WNK1: variants seen among roughly 807,000 people sequenced by gnomAD.
WNK1 encodes WNK lysine deficient protein kinase 1.
In WNK1, 38 loss-of-function variants were observed where a neutral mutation model predicts 222.8. The ratio of observed to expected loss-of-function variants is 0.17; its 90% CI spans 0.13 to 0.22. The LOEUF (loss-of-function observed/expected upper bound fraction) is 0.22, where lower values mean the gene tolerates loss of function less well. WNK1 is among the 10% of genes least tolerant of loss of function. WNK1 has a pLI of 1.00. For synonymous variants in WNK1, 1,090 were observed against 1,092.9 expected (o/e 1.00, Z 0.05); for missense variants, 2,348 against 2,918.4 (o/e 0.80, Z 4.50).
chr12:889,194 G>C lies in WNK1; in HGVS notation c.5419G>C (p.Glu1807Gln). Residue 1807 changes from glutamate (E) to glutamine (Q), a missense_variant, in exon 21 of 28, where the codon GAG becomes CAG. Glu to Gln is a conservative substitution (Grantham distance 29). Around this residue, in one of 13 missense-constraint regions of WNK1, gnomAD observed 1,144 missense variants for 1,273.6 expected, o/e 0.90. Coordinates refer to ENST00000315939, the MANE Select transcript of WNK1 (RefSeq NM_018979.4). ...TCAATTGAGAAGAACACTTAGTCCA[G>C]AGATGATCACAGTGACTTCTGCGGT... ...DAQLRRTLSP[E>Q]MITVTSAVGP... The C allele has an allele frequency of 6.2e-7, 1 of 1,614,112 alleles. No individual in the cohort carries two copies. Among genetic ancestry groups the C allele is most frequent in the Non-Finnish European group, 8.5e-7 (1 of 1,179,984 alleles).
At chr12:863,515 TG>T (rs1483243528) in intron 8 of WNK1, among the ~76,000 whole-genome samples, 6 of 152,274 alleles carry the variant, frequency 3.9e-5, no homozygotes, top group African/African-American at 9.6e-5. Flanking sequence ...TACCTTTAAT[TG>T]TTTTTTTTCT....
At chr12:800,424 TTAA>T (rs1390865649) in intron 1 of WNK1, among the ~76,000 whole-genome samples, 3 of 152,144 alleles carry the variant, frequency 2.0e-5, no homozygotes, top group African/African-American at 7.2e-5. Context: ...TATATGGGTG[TTAA>T]TAATTTTTAT....
Position 880,910 on chromosome 12 carries a change from G to A in WNK1, c.3022G>A (p.Gly1008Ser). The A allele has an allele frequency of 6.2e-7, 1 of 1,614,120 alleles. No individual in the cohort carries two copies. The highest frequency in any genetic ancestry group is 8.5e-7 in the Non-Finnish European group (1 of 1,180,036). Residue 1008 changes from glycine to serine, a missense_variant, in exon 12 of 28, where the codon GGT becomes AGT. Gly to Ser is a moderately conservative substitution (Grantham distance 56). Around this residue, in one of 13 missense-constraint regions of WNK1, gnomAD observed 547 missense variants for 558.3 expected, o/e 0.98. Transcript: ENST00000315939. ...GGAATCAAATCTTTTAGTTCCTATG[G>A]GTGGTGTAGGAGGACAGGTTCAAGT... The part of the protein sequence containing the change: ...YVESNLLVPM[G>S]GVGGQVQVSQ...
intron 4 of WNK1, among the ~76,000 whole-genome samples, chr12:848,496 CTTTTT>C (rs10644583): frequency 4.0e-5 from 4 of 99,260 alleles, no homozygotes; most frequent in South Asian, 7.6e-4. Flanking sequence ...CCAGTAAAAA[CTTTTT>C]TTTTTTTTTT....
chr12:799,621 A>C (rs1328596180), intron 1 of WNK1, among the ~76,000 whole-genome samples: 2 of 152,190 alleles, frequency 1.3e-5, no homozygotes, highest in African/African-American at 4.8e-5. Flanking sequence ...ACAGGAGGAT[A>C]GCTTGAGACC....
intron 1 of WNK1, among the ~76,000 whole-genome samples, chr12:768,127 T>C (rs1942006004): frequency 6.6e-6 from 1 of 151,930 alleles, no homozygotes; most frequent in African/African-American, 2.4e-5. Flanking sequence ...TTGTATCAGG[T>C]TTTTTTTGTT....
chr12:819,738 C>T (rs560073439), intron 2 of WNK1, among the ~76,000 whole-genome samples: 61 of 152,190 alleles, frequency 4.0e-4, no homozygotes, highest in African/African-American at 1.5e-3. Flanking sequence ...TTTAAGTTAA[C>T]TTTTGTGTAT....
chr12:841,783 T>C (rs1949645677), intron 4 of WNK1, among the ~76,000 whole-genome samples: 1 of 152,206 alleles, frequency 6.6e-6, no homozygotes, highest in Non-Finnish European at 1.5e-5. Flanking sequence ...CATTTTCACA[T>C]GGTGAAAGAG....
At position 884,125 on chromosome 12, in the gene WNK1, T is replaced by C; in HGVS notation, c.3726T>C (p.Ile1242=). Residue 1242 remains isoleucine, a synonymous_variant, in exon 18 of 28, where the codon ATT becomes ATC. Coordinates refer to ENST00000315939, the MANE Select transcript of WNK1 (RefSeq NM_018979.4). The surrounding 1 kb of genome is among the most constrained non-coding windows in gnomAD (Gnocchi z 5.6). ...TGTTTGTTTGTTTTTGACCAGGCAT[T>C]CCTACCAGTTCTTTAACTCAAGTTG... is the stretch of plus-strand genomic sequence containing the variant. ...PASSMPQQIG[I]PTSSLTQVVH... The C allele has an allele frequency of 6.2e-7, 1 of 1,614,194 alleles. No individual in the cohort carries two copies. Among genetic ancestry groups the C allele is most frequent in the Non-Finnish European group, 8.5e-7 (1 of 1,180,032 alleles).
Position 884,363 on chromosome 12 carries a change from G to A in WNK1, c.3844+120G>A. The A allele has an allele frequency of 1.4e-6, 2 of 1,476,732 alleles. No homozygotes were observed. Among genetic ancestry groups the A allele is most frequent in the Non-Finnish European group, 1.9e-6 (2 of 1,066,998 alleles). The allele number at this position is 1,476,732 out of a possible 1,614,324, so 91.5% of individuals were successfully genotyped here. On this transcript the variant is annotated intron_variant, in intron 18 of 27. Transcript: ENST00000315939. The surrounding 1 kb of genome is among the most constrained non-coding windows in gnomAD (Gnocchi z 5.6). ...AGATAATAAAAAAGAATAGAAAACT[G>A]AAGTTATAACCAACAGATAAACATA...
chr12:791,574 A>G (rs892049799), intron 1 of WNK1, among the ~76,000 whole-genome samples: 1 of 147,378 alleles, frequency 6.8e-6, no homozygotes, highest in Non-Finnish European at 1.5e-5. Context: ...AAAAAAAAAA[A>G]CTACATTTCC....
At chr12:793,024 A>C (rs1390061679) in intron 1 of WNK1, among the ~76,000 whole-genome samples, 1 of 152,194 alleles carries the variant, frequency 6.6e-6, no homozygotes, top group Non-Finnish European at 1.5e-5. Context: ...TGGACACCTT[A>C]GCCTGGTAAC....
At chr12:900,322 C>T (rs1328959855) in intron 25 of WNK1, among the ~76,000 whole-genome samples, 154 bp from the exon 26 acceptor site, 1 of 152,160 alleles carries the variant, frequency 6.6e-6, no homozygotes, top group Non-Finnish European at 1.5e-5. Context: ...CCTCACTTCT[C>T]CCGTTAGTGA....
intron 26 of WNK1, among the ~76,000 whole-genome samples, chr12:904,759 C>A (rs1166223073): frequency 3.3e-5 from 5 of 152,166 alleles, no homozygotes; most frequent in African/African-American, 9.7e-5. Context: ...TGCCTAGTTC[C>A]TATGGGAGAG....
chr12:843,236 C>T (rs1949766480), intron 4 of WNK1, among the ~76,000 whole-genome samples: 1 of 152,126 alleles, frequency 6.6e-6, no homozygotes, highest in African/African-American at 2.4e-5. Context: ...CACGCCTGGC[C>T]CAGGCTTGAG....
At chr12:869,315 T>C (rs551814924) in intron 8 of WNK1, 2 of 659,950 alleles carry the variant, frequency 3.0e-6, no homozygotes, top group African/African-American at 3.6e-5. Flanking sequence ...ACCTATTATA[T>C]GTGAAAACCA....
intron 1 of WNK1, among the ~76,000 whole-genome samples, chr12:800,404 G>T (rs943154071): frequency 6.6e-6 from 1 of 151,726 alleles, no homozygotes; most frequent in African/African-American, 2.4e-5. Flanking sequence ...TAGCATTCAG[G>T]TTTTTTTGCT....
intron 26 of WNK1, among the ~76,000 whole-genome samples, chr12:905,688 T>G (rs948328258): frequency 6.6e-6 from 1 of 152,220 alleles, no homozygotes; most frequent in African/African-American, 2.4e-5. Flanking sequence ...CTGTCATGAC[T>G]GCCCATCCTC....
At chr12:815,100 G>T (rs1328457943) in intron 2 of WNK1, among the ~76,000 whole-genome samples, 1 of 152,280 alleles carries the variant, frequency 6.6e-6, no homozygotes, top group South Asian at 2.1e-4. Context: ...TACAGATGAA[G>T]CTTTGCTTGC....
Sources: allele counts gnomAD v4.1 joint callset (sites outside exome capture counted in the v4.1 genomes callset), GRCh38; gene constraint gnomAD v4.1.1; regional missense constraint gnomAD v4.1.1; non-coding constraint Gnocchi (gnomAD v3.1); transcripts MANE v1.5; gene names NCBI Gene and HGNC (gene_info 2026-07-23, HGNC 2026-07-21).